TMEM236: variants seen among roughly 807,000 people sequenced by gnomAD.
The protein encoded by TMEM236 is family with sequence similarity 23, member A.
In TMEM236, 11 loss-of-function variants were observed where a neutral mutation model predicts 14.7. The observed-to-expected ratio is 0.75, with a 90% CI of 0.47 to 1.24. The LOEUF is 1.24. TMEM236 is among the 50% of genes most tolerant of loss of function. The pLI is 0.00. For missense variants in TMEM236, 464 were observed against 427.3 expected, an observed-to-expected ratio of 1.09 and a Z score of -0.76; for synonymous variants, 182 against 168.6, an observed-to-expected ratio of 1.08 and a Z score of -0.62.
intron 3 of TMEM236, among the ~76,000 whole-genome samples, chr10:17,779,709 C>A (rs1244616214): frequency 6.6e-6 from 1 of 152,090 alleles, no homozygotes; most frequent in African/African-American, 2.4e-5. Flanking sequence ...CCGTGTCCAC[C>A]TGCTGCTGCT....
At chr10:17,775,020 C>T (rs956508728) in intron 2 of TMEM236, among the ~76,000 whole-genome samples, 3 of 152,102 alleles carry the variant, frequency 2.0e-5, no homozygotes, top group East Asian at 1.9e-4. Flanking sequence ...AGGCTGATCT[C>T]GAACTCCTGA....
intron 1 of TMEM236, among the ~76,000 whole-genome samples, chr10:17,768,539 G>A (rs1012015404): frequency 2.0e-5 from 3 of 151,992 alleles, no homozygotes; most frequent in Admixed American, 6.6e-5. Flanking sequence ...TAGATTCTCC[G>A]AAGTTTCATC....
intron 3 of TMEM236, among the ~76,000 whole-genome samples, chr10:17,787,554 A>G (rs1440226909): frequency 3.3e-5 from 5 of 152,208 alleles, no homozygotes; most frequent in African/African-American, 1.2e-4. Flanking sequence ...GCCTTAGTGC[A>G]GGTTTTTTCC....
chr10:17,795,835 T>A, intron 3 of TMEM236, 86 bp from the exon 4 acceptor site: 1 of 1,351,286 alleles, frequency 7.4e-7, no homozygotes, highest in Non-Finnish European at 1.0e-6. Flanking sequence ...ATTCCACCTT[T>A]AAATGGAATT....
chr10:17,765,744 A>G (rs1236794029), intron 1 of TMEM236, among the ~76,000 whole-genome samples: 4 of 152,160 alleles, frequency 2.6e-5, no homozygotes, highest in Admixed American at 1.3e-4. Context: ...ATCCAGGCCT[A>G]TGACTGTAGT....
chr10:17,783,533 C>T (rs1290205724), intron 3 of TMEM236, among the ~76,000 whole-genome samples: 1 of 152,168 alleles, frequency 6.6e-6, no homozygotes, highest in Non-Finnish European at 1.5e-5. Context: ...TCTGTGTGGT[C>T]TTTTAATATC....
chr10:17,754,867 G>T (rs1837260553), intron 1 of TMEM236, among the ~76,000 whole-genome samples: 1 of 151,658 alleles, frequency 6.6e-6, no homozygotes, highest in Non-Finnish European at 1.5e-5. Flanking sequence ...ACTCATCTTG[G>T]ACTTCTCTCT....
At position 17,797,666 on chromosome 10, in the gene TMEM236, C is replaced by A. The variant is rs1838038835; in HGVS notation, c.*1162C>A. 1 of 152,092 alleles carries A rather than the reference C, an allele frequency of 6.6e-6. No homozygotes were observed. Among genetic ancestry groups the A allele is most frequent in the African/African-American group, 2.4e-5 (1 of 41,412 alleles). 9.4% of individuals were successfully genotyped at this position (152,092 alleles called of 1,614,324 possible). On this transcript the variant is annotated 3_prime_UTR_variant, in exon 4 of 4. Coordinates refer to ENST00000377495, the MANE Select transcript of TMEM236 (RefSeq NM_001098844.3). The stretch of plus-strand genomic sequence containing the variant: ...CAAAGGTGGAATTATATTCTTTATT[C>A]CATTGTGGCAAGGGACTTTTATTCA...
chr10:17,772,207 A>G (rs1444222664), intron 2 of TMEM236, among the ~76,000 whole-genome samples: 1 of 152,220 alleles, frequency 6.6e-6, no homozygotes, highest in Non-Finnish European at 1.5e-5. Flanking sequence ...AAGTATCACA[A>G]GTGTTGTGAG....
chr10:17,800,525 G>A lies in TMEM236; in HGVS notation c.*4021G>A, dbSNP rs1444907959. 1.9e-4 allele frequency: 29 copies of A among 151,584 alleles called. No individual in the cohort carries two copies. Among genetic ancestry groups the A allele is most frequent in the African/African-American group, 6.5e-4 (27 of 41,302 alleles). The allele number at this position is 151,584 out of a possible 1,614,324, so 9.4% of individuals were successfully genotyped here. A position where few individuals can be genotyped will look rare whatever the true frequency, so the allele number is the denominator to read the frequency against. ...TATCTCGTCTTGTTTTTCTTATTAGGGCCCCATTTCACTGAATGACAATTG... is the reference window on the plus strand; with the variant it reads ...TATCTCGTCTTGTTTTTCTTATTAGAGCCCCATTTCACTGAATGACAATTG... On this transcript the variant is annotated 3_prime_UTR_variant, in exon 4 of 4. Transcript: ENST00000377495.
chr10:17,774,403 A>G (rs1554835048), intron 2 of TMEM236, among the ~76,000 whole-genome samples: 3 of 152,220 alleles, frequency 2.0e-5, no homozygotes, highest in Non-Finnish European at 1.5e-5. Flanking sequence ...TTCACAATAC[A>G]TCTGGAACTG....
chr10:17,782,532 A>C (rs1248279762), intron 3 of TMEM236, among the ~76,000 whole-genome samples: 1 of 152,108 alleles, frequency 6.6e-6, no homozygotes, highest in Non-Finnish European at 1.5e-5. Flanking sequence ...TGCTCACTGC[A>C]ATCTCTGGTC....
At chr10:17,762,670 T>TATTTAGG (rs1223426929) in intron 1 of TMEM236, among the ~76,000 whole-genome samples, 6 of 146,246 alleles carry the variant, frequency 4.1e-5, no homozygotes, top group Non-Finnish European at 6.0e-5. Flanking sequence ...TAAATATATA[T>TATTTAGG]ATTTAGGTTT....
At chr10:17,755,185 A>G (rs1405999344) in intron 1 of TMEM236, among the ~76,000 whole-genome samples, 4 of 151,150 alleles carry the variant, frequency 2.6e-5, no homozygotes, top group Admixed American at 2.0e-4. Flanking sequence ...TCCTGACCTC[A>G]GGTGATCTGC....
rs1838017600 is a variant in TMEM236, at chr10:17,796,507, A to C, written c.*3A>C. 1 of 1,603,528 alleles carries C rather than the reference A, an allele frequency of 6.2e-7. No homozygotes were observed. Among genetic ancestry groups the C allele is most frequent in the Non-Finnish European group, 8.5e-7 (1 of 1,170,638 alleles). On this transcript the variant is annotated 3_prime_UTR_variant, in exon 4 of 4. Coordinates refer to ENST00000377495, the MANE Select transcript of TMEM236 (RefSeq NM_001098844.3). ...CCTTTGAAATGTCTCCATTTTAAAA[A>C]GGAAATGGGATCTAGTAAGGCCTCT...
intron 1 of TMEM236, among the ~76,000 whole-genome samples, chr10:17,764,895 C>T (rs1241198321): frequency 5.1e-5 from 7 of 136,134 alleles, no homozygotes; most frequent in Admixed American, 1.7e-4. Flanking sequence ...TGCAGTGGTG[C>T]GATCTTGGCT....
In TMEM236 at chr10:17,796,654, G is replaced by GTTTTT; in HGVS notation, c.*157_*161dup. 1.8e-6 allele frequency: 1 copy of GTTTTT among 565,692 alleles called. No homozygotes were observed. Among genetic ancestry groups the GTTTTT allele is most frequent in the Non-Finnish European group, 3.0e-6 (1 of 328,162 alleles). 35.0% of individuals were successfully genotyped at this position (565,692 alleles called of 1,614,324 possible). ...CATTTTTACTAACTCTAGCATATCA[G>GTTTTT]TTTTTTTTTTTACATATACAAATGG... On this transcript the variant is annotated 3_prime_UTR_variant, in exon 4 of 4. Transcript: ENST00000377495.
At chr10:17,788,000 T>C (rs1191145847) in intron 3 of TMEM236, among the ~76,000 whole-genome samples, 1 of 152,044 alleles carries the variant, frequency 6.6e-6, no homozygotes, top group Admixed American at 6.6e-5. Context: ...ATGAGATAAC[T>C]ATATGCACCT....
chr10:17,787,882 A>C (rs1237966615), intron 3 of TMEM236, among the ~76,000 whole-genome samples: 3 of 152,156 alleles, frequency 2.0e-5, no homozygotes, highest in African/African-American at 4.8e-5. Flanking sequence ...TTGCTAGCTC[A>C]TGTCTGTATC....
Sources: allele counts gnomAD v4.1 joint callset (sites outside exome capture counted in the v4.1 genomes callset), GRCh38; gene constraint gnomAD v4.1.1; transcripts MANE v1.5; gene names NCBI Gene and HGNC (gene_info 2026-07-23, HGNC 2026-07-21).